CFAP47: variants seen among roughly 807,000 people sequenced by gnomAD.
The protein encoded by CFAP47 is cilia- and flagella-associated protein 47.
CFAP47 carries 29 observed loss-of-function variants against 148.1 expected under a neutral mutation model. The observed-to-expected ratio is 0.20, with a 90% CI of 0.15 to 0.27. The LOEUF (loss-of-function observed/expected upper bound fraction) is 0.27, where lower values mean the gene tolerates loss of function less well. Among genes scored for constraint, CFAP47 ranks in the 10% least tolerant of loss-of-function variants. The pLI is 1.00. For missense variants in CFAP47, 1,872 were observed against 1,697.5 expected (o/e 1.10, Z -1.81); for synonymous variants, 664 against 577.3 (o/e 1.15, Z -2.15).
chrX:36,133,473 ATAGCTAGAGAAGATGATAAAAAG>A (rs1456441670), intron 33 of CFAP47, among the ~76,000 whole-genome samples: 34 of 110,738 alleles, frequency 3.1e-4, no homozygotes, highest in African/African-American at 9.2e-4. Context: ...TAGGCATCCC[ATAGCTAGAGAAGATGATAAAAAG>A]TAAGAGCATG....
intron 58 of CFAP47, 29 bp from the exon 59 acceptor site, chrX:36,350,009 T>A (rs1556017196): frequency 1.1e-6 from 1 of 910,049 alleles, no homozygotes. Context: ...CTCCTTTTGT[T>A]CCCTCTTAAT....
chrX:36,076,937 C>G (rs1037436432), intron 29 of CFAP47, among the ~76,000 whole-genome samples: 1 of 111,178 alleles, frequency 9.0e-6, no homozygotes, highest in Non-Finnish European at 1.9e-5. Flanking sequence ...TAGGGGTCTA[C>G]TTTTAATCGT....
chrX:36,313,429 T>A (rs781826823), intron 56 of CFAP47, among the ~76,000 whole-genome samples: 1 of 110,710 alleles, frequency 9.0e-6, no homozygotes, highest in Non-Finnish European at 1.9e-5. Context: ...CAGAACAGCA[T>A]AGGATAAACC....
chrX:36,197,151 A>G (rs1305906391), intron 42 of CFAP47, among the ~76,000 whole-genome samples: 1 of 112,068 alleles, frequency 8.9e-6, no homozygotes, highest in Non-Finnish European at 1.9e-5. Flanking sequence ...ATTTTTTGAG[A>G]TATGGTAATA....
At chrX:36,086,197 C>T (rs1054168619) in intron 30 of CFAP47, among the ~76,000 whole-genome samples, 5 of 112,082 alleles carry the variant, frequency 4.5e-5, no homozygotes, top group Non-Finnish European at 9.4e-5. Context: ...AATGGCAAGT[C>T]GCCAAGAAAT....
intron 13 of CFAP47, among the ~76,000 whole-genome samples, chrX:35,974,099 G>A (rs1936534438): frequency 9.0e-6 from 1 of 111,590 alleles, no homozygotes; most frequent in South Asian, 3.7e-4. Flanking sequence ...GGTATACAAG[G>A]TATGAAGAAA....
chrX:36,104,036 A>G (rs1938425879), intron 32 of CFAP47, among the ~76,000 whole-genome samples: 1 of 112,158 alleles, frequency 8.9e-6, no homozygotes, highest in Admixed American at 9.5e-5. Flanking sequence ...TCAAATGACA[A>G]ATTGTGTACA....
At chrX:36,300,479 G>A (rs1374263195) in intron 52 of CFAP47, among the ~76,000 whole-genome samples, 5 of 110,457 alleles carry the variant, frequency 4.5e-5, no homozygotes, top group Non-Finnish European at 9.5e-5. Context: ...TAATGGAGAC[G>A]GGGGTTCCAC....
chrX:36,275,574 T>G (rs782703618), intron 49 of CFAP47, among the ~76,000 whole-genome samples: 1 of 110,790 alleles, frequency 9.0e-6, no homozygotes, highest in African/African-American at 3.3e-5. Context: ...CCTTTTACTA[T>G]GTTGCTGAAT....
chrX:36,246,885 A>C (rs781792864), intron 48 of CFAP47, among the ~76,000 whole-genome samples: 1 of 111,428 alleles, frequency 9.0e-6, no homozygotes, highest in South Asian at 3.8e-4. Context: ...AAAATAACGT[A>C]AACTGAGCTA....
intron 8 of CFAP47, among the ~76,000 whole-genome samples, chrX:35,961,395 G>C (rs1431143554): frequency 1.8e-5 from 2 of 111,596 alleles, no homozygotes; most frequent in Non-Finnish European, 3.8e-5. Flanking sequence ...TGAAGGATTG[G>C]CACTAATTCT....
At chrX:36,081,124 A>G (rs1937972715) in intron 29 of CFAP47, among the ~76,000 whole-genome samples, 1 of 111,532 alleles carries the variant, frequency 9.0e-6, no homozygotes, top group Non-Finnish European at 1.9e-5. Context: ...AAAAAAAGAG[A>G]GAATATACAA....
intron 15 of CFAP47, 99 bp from the exon 16 acceptor site, chrX:35,989,220 C>T: frequency 4.9e-6 from 3 of 609,575 alleles, no homozygotes; most frequent in Non-Finnish European, 7.6e-6. Context: ...TTATTTAATG[C>T]AATCACATTT....
chrX:36,277,672 C>G (rs782101391), intron 49 of CFAP47, among the ~76,000 whole-genome samples: 1 of 112,442 alleles, frequency 8.9e-6, no homozygotes, highest in Non-Finnish European at 1.9e-5. Context: ...AGTTTAATCT[C>G]TGTCCTGTCC....
rs185515495 is a variant in CFAP47 at position 36,269,029 on chromosome X, A to G, written c.7445-11458A>G. 3.0e-3 allele frequency among the ~76,000 whole-genome samples: 337 copies of G among 112,017 alleles called. 3 individuals are homozygous for G. Among genetic ancestry groups the G allele is most frequent in the Admixed American group, 0.024 (251 of 10,513 alleles). ...GCTCTTAAATCTTTTAAAATATGTC[A>G]GTATTTCAAAAAGGTTTGCAAATAC... On this transcript the variant is annotated intron_variant, in intron 49 of 63. Coordinates refer to ENST00000378653, the MANE Select transcript of CFAP47 (RefSeq NM_001304548.2).
chrX:36,358,836 C>T (rs1007192539), intron 60 of CFAP47, among the ~76,000 whole-genome samples: 1 of 111,328 alleles, frequency 9.0e-6, no homozygotes, highest in Admixed American at 9.6e-5. Context: ...GAGTTTTCTC[C>T]CTCTCTACAT....
intron 45 of CFAP47, among the ~76,000 whole-genome samples, chrX:36,208,197 A>T (rs781801464): frequency 8.9e-6 from 1 of 112,053 alleles, no homozygotes; most frequent in East Asian, 2.8e-4. Flanking sequence ...TAATTTTAAA[A>T]TATTCACTAA....
chrX:35,944,669 C>T, intron 3 of CFAP47, among the ~76,000 whole-genome samples: 1 of 111,901 alleles, frequency 8.9e-6, no homozygotes. Flanking sequence ...CTTACAGATA[C>T]TCTGAGGCAA....
At chrX:36,221,533 T>TA (rs1555990788) in intron 45 of CFAP47, among the ~76,000 whole-genome samples, 1 of 111,462 alleles carries the variant, frequency 9.0e-6, no homozygotes, top group Non-Finnish European at 1.9e-5. Context: ...AACACAAATA[T>TA]ATCATTAATC....
Sources: gnomAD v4.1 joint callset for allele counts (sites outside exome capture counted in the v4.1 genomes callset) on GRCh38, gnomAD v4.1.1 for gene constraint, MANE v1.5 for transcripts, NCBI Gene and HGNC (gene_info 2026-07-23, HGNC 2026-07-21) for gene names.